Variants in SORL1 observed in about 807,000 individuals in gnomAD.
SORL1 encodes sortilin-related receptor.
A neutral mutation model predicts 273.7 loss-of-function variants in SORL1; 127 were observed. That is an observed-to-expected ratio of 0.46 (90% confidence interval 0.40 to 0.54). The LOEUF (loss-of-function observed/expected upper bound fraction) is 0.54, where lower values mean the gene tolerates loss of function less well. Ranked by LOEUF, SORL1 falls within the 20% of genes least tolerant of loss-of-function variation. SORL1 has a pLI of 0.00. For synonymous variants in SORL1, 1,031 were observed against 1,067.4 expected, an observed-to-expected ratio of 0.97 and a Z score of 0.66; for missense variants, 2,494 against 2,846.1, an observed-to-expected ratio of 0.88 and a Z score of 2.81.
At chr11:121,467,085 AGTG>A (rs1396145439) in intron 1 of SORL1, among the ~76,000 whole-genome samples, 1 of 136,030 alleles carries the variant, frequency 7.4e-6, no homozygotes, top group Non-Finnish European at 1.5e-5. Context: ...GCTGGACTGC[AGTG>A]GTACAATCTT....
At position 121,481,771 on chromosome 11, in the gene SORL1, G is replaced by C. The variant is rs370845328; in HGVS notation, c.528+3528G>C. Among the ~76,000 whole-genome samples, 23 of 141,804 alleles carry C rather than the reference G, an allele frequency of 1.6e-4. 1 individual carries two copies. The East Asian group carries it at 3.6e-3, about 22-fold the overall frequency. The allele number at this position is 141,804 out of a possible 152,430, so 93.0% of individuals were successfully genotyped here. A position where few individuals can be genotyped will look rare whatever the true frequency, so the allele number is the denominator to read the frequency against. ...CTAGTGCACAGATGTCTATAGGCAG[G>C]CTCCATCTCCTCCTCCCCAGCTCCT... On this transcript the variant is annotated intron_variant, in intron 3 of 47. Coordinates refer to ENST00000260197, the MANE Select transcript of SORL1 (RefSeq NM_003105.6).
Position 121,566,966 on chromosome 11 carries a change from T to C in SORL1, c.3076T>C (p.Cys1026Arg). The change falls in exon 22 of 48, where the codon TGC (cysteine) becomes CGC (arginine). Residue 1026 changes from cysteine (C) to arginine (R), a missense_variant. Physicochemically the swap from Cys to Arg is radical, Grantham distance 180. Transcript: ENST00000260197. Reference sequence around the variant, plus strand: ...AAGCAATGCCTGTGTGCCCAGGCCATGCAGCCTGCTGTGCCTGCCCAAGGC... The same window carrying C: ...AAGCAATGCCTGTGTGCCCAGGCCACGCAGCCTGCTGTGCCTGCCCAAGGC... ...TGSNACVPRP[C>R]SLLCLPKANN... is the part of the protein sequence containing the mutation. The C allele has an allele frequency of 1.2e-6, 2 of 1,613,992 alleles. No homozygotes were observed. Among genetic ancestry groups the C allele is most frequent in the South Asian group, 1.1e-5 (1 of 91,028 alleles).
intron 18 of SORL1, among the ~76,000 whole-genome samples, chr11:121,556,205 G>A (rs1436455312): frequency 6.6e-6 from 1 of 152,198 alleles, no homozygotes; most frequent in Non-Finnish European, 1.5e-5. Flanking sequence ...ATAAAGCAGT[G>A]GGCAGGACAC....
intron 11 of SORL1, among the ~76,000 whole-genome samples, chr11:121,530,962 G>A (rs759287754): frequency 4.0e-5 from 6 of 151,742 alleles, no homozygotes; most frequent in Admixed American, 1.3e-4. Flanking sequence ...TTCTTATTTC[G>A]GACATTATAT....
At chr11:121,573,691 T>A (rs563142025) in intron 23 of SORL1, among the ~76,000 whole-genome samples, 1 of 152,274 alleles carries the variant, frequency 6.6e-6, no homozygotes, top group South Asian at 2.1e-4. Flanking sequence ...AGTTTTACTG[T>A]TGAGAAAACA....
intron 41 of SORL1, among the ~76,000 whole-genome samples, chr11:121,615,998 C>T (rs1053544576): frequency 6.6e-6 from 1 of 152,206 alleles, no homozygotes; most frequent in African/African-American, 2.4e-5. Context: ...AATTTAACAG[C>T]CTCTGCTCTT....
intron 12 of SORL1, among the ~76,000 whole-genome samples, chr11:121,534,874 A>T (rs796716110): frequency 7.2e-5 from 11 of 152,254 alleles, no homozygotes; most frequent in African/African-American, 2.6e-4. Context: ...CTTTTCCTTT[A>T]TGACTCGTAG....
chr11:121,601,082 T>C (rs1863383434), intron 32 of SORL1, among the ~76,000 whole-genome samples: 1 of 125,842 alleles, frequency 7.9e-6, no homozygotes, highest in African/African-American at 3.1e-5. Context: ...GAGTGTGATA[T>C]TCCCCTTCCT....
intron 47 of SORL1, 109 bp from the exon 48 acceptor site, chr11:121,629,387 T>A: frequency 1.4e-6 from 1 of 692,538 alleles, no homozygotes; most frequent in Non-Finnish European, 2.7e-6. Flanking sequence ...GGCATTGACC[T>A]TCTCAGCTAG....
At position 121,601,836 on chromosome 11, in the gene SORL1, A is replaced by C. The variant is rs563630888; in HGVS notation, c.4520-2357A>C. Among the ~76,000 whole-genome samples, 10 of 152,198 alleles carry C rather than the reference A, an allele frequency of 6.6e-5. No homozygotes were observed. In the East Asian group the frequency reaches 1.2e-3, roughly 18 times the overall value. ...CTGTTGTTTGATTATATTTGACCACATTGTTACCCAGTAGAATACTTCTGT... is the reference window on the plus strand; with the variant it reads ...CTGTTGTTTGATTATATTTGACCACCTTGTTACCCAGTAGAATACTTCTGT... On this transcript the variant is annotated intron_variant, in intron 32 of 47. Transcript: ENST00000260197.
intron 38 of SORL1, chr11:121,610,864 A>C (rs2134932324): frequency 2.1e-6 from 1 of 483,824 alleles, no homozygotes; most frequent in Non-Finnish European, 3.7e-6. Flanking sequence ...CGACTGAGCC[A>C]AGATAGTTTT....
chr11:121,532,196 C>A (rs1299704903), intron 11 of SORL1, among the ~76,000 whole-genome samples: 1 of 152,194 alleles, frequency 6.6e-6, no homozygotes, highest in African/African-American at 2.4e-5. Context: ...CTGCTGTTCA[C>A]AGTCTACCAT....
intron 45 of SORL1, among the ~76,000 whole-genome samples, chr11:121,623,741 G>A (rs1012324874): frequency 2.6e-5 from 4 of 152,186 alleles, no homozygotes; most frequent in African/African-American, 9.7e-5. Context: ...CTGGAGCCCG[G>A]CTCTTAGGTT....
At chr11:121,547,526 A>AC (rs1259659553) in intron 14 of SORL1, among the ~76,000 whole-genome samples, 3 of 145,376 alleles carry the variant, frequency 2.1e-5, no homozygotes, top group East Asian at 2.1e-4. Flanking sequence ...TACCATGCCC[A>AC]CCCCATCTGC....
At chr11:121,549,535 T>A (rs1330371527) in intron 14 of SORL1, among the ~76,000 whole-genome samples, 1 of 152,172 alleles carries the variant, frequency 6.6e-6, no homozygotes, top group East Asian at 1.9e-4. Flanking sequence ...CCCCAAATAA[T>A]TTTTTAAAAA....
chr11:121,521,426 G>A (rs559416744), intron 9 of SORL1, among the ~76,000 whole-genome samples: 19 of 152,272 alleles, frequency 1.2e-4, no homozygotes, highest in Non-Finnish European at 2.1e-4. Flanking sequence ...GTTTTTGAGC[G>A]TGCTGTGGGG....
At chr11:121,612,113 C>G (rs1443407689) in intron 39 of SORL1, 1 of 152,248 alleles carries the variant, frequency 6.6e-6, no homozygotes, top group African/African-American at 2.4e-5. Flanking sequence ...GCAGTCCAGC[C>G]TGGGCAACAG....
At chr11:121,540,745 T>G (rs971736055) in intron 12 of SORL1, among the ~76,000 whole-genome samples, 1 of 152,216 alleles carries the variant, frequency 6.6e-6, no homozygotes, top group African/African-American at 2.4e-5. Context: ...TGCTTGGTCA[T>G]GTACCTGCTT....
intron 3 of SORL1, among the ~76,000 whole-genome samples, chr11:121,485,051 G>T (rs954883328): frequency 6.6e-6 from 1 of 152,130 alleles, no homozygotes; most frequent in Non-Finnish European, 1.5e-5. Flanking sequence ...CACCCCGCCC[G>T]GCCCCATGCT....
Sources: gnomAD v4.1 joint callset for allele counts (sites outside exome capture counted in the v4.1 genomes callset) on GRCh38, gnomAD v4.1.1 for gene constraint, MANE v1.5 for transcripts, NCBI Gene and HGNC (gene_info 2026-07-23, HGNC 2026-07-21) for gene names.